Variants in PPARA observed in about 807,000 individuals in gnomAD.
The protein encoded by PPARA is peroxisome proliferator-activated receptor alpha.
A neutral mutation model predicts 42.2 loss-of-function variants in PPARA; 22 were observed. The observed-to-expected ratio is 0.52, with a 90% CI of 0.37 to 0.74. The LOEUF (loss-of-function observed/expected upper bound fraction) is 0.74. PPARA is among the 30% of genes least tolerant of loss of function. The probability of loss-of-function intolerance (pLI) is 0.00; values close to 1 mark genes in which losing one functional copy is unlikely to be tolerated. For synonymous variants in PPARA, 242 were observed against 239.3 expected (o/e 1.01, Z -0.10); for missense variants, 465 against 608.2 (o/e 0.76, Z 2.48).
rs372627750 is a variant in PPARA, at chr22:46,227,338, C to G, written c.712-4454C>G. ...GCAATCTCAGCTCACTGCAACCTCC[C>G]CCTCCTGGGTTCAAGCGATTCTCCT... On this transcript the variant is annotated intron_variant, in intron 7 of 8. Transcript: ENST00000407236. The surrounding 1 kb of genome is among the most constrained non-coding windows in gnomAD (Gnocchi z 4.3). 6.6e-6 allele frequency among the ~76,000 whole-genome samples: 1 copy of G among 152,008 alleles called. No homozygotes were observed. Among genetic ancestry groups the G allele is most frequent in the African/African-American group, 2.4e-5 (1 of 41,372 alleles).
Position 46,160,049 on chromosome 22 carries a change from CCA to C in PPARA, c.-127+8082_-127+8083del, listed in dbSNP as rs984222476. ...GACCACCACTGCAGCAGCCTGAAAA[CCA>C]CAGTCTTGAACCGCCAGCGAAGGGC... On this transcript the variant is annotated intron_variant, in intron 2 of 8. Transcript: ENST00000407236. The surrounding 1 kb of genome is among the most constrained non-coding windows in gnomAD (Gnocchi z 4.5). 1.3e-5 allele frequency among the ~76,000 whole-genome samples: 2 copies of C among 152,186 alleles called. No individual in the cohort carries two copies. Among genetic ancestry groups the C allele is most frequent in the African/African-American group, 2.4e-5 (1 of 41,440 alleles).
chr22:46,227,396 T>C lies in PPARA; in HGVS notation c.712-4396T>C, dbSNP rs376379740. Among the ~76,000 whole-genome samples, 1 of 152,242 alleles carries C rather than the reference T, an allele frequency of 6.6e-6. No individual in the cohort carries two copies. Among genetic ancestry groups the C allele is most frequent in the South Asian group, 2.1e-4 (1 of 4,816 alleles). ...CCTCCTAAGTAGCTGGGATTACAGGTGCCAGCCACCACACCCGACTAATTT... is the reference window on the plus strand; with the variant it reads ...CCTCCTAAGTAGCTGGGATTACAGGCGCCAGCCACCACACCCGACTAATTT... On this transcript the variant is annotated intron_variant, in intron 7 of 8. Transcript: ENST00000407236. The surrounding 1 kb of genome is among the most constrained non-coding windows in gnomAD (Gnocchi z 4.3).
intron 4 of PPARA, among the ~76,000 whole-genome samples, chr22:46,210,652 C>A (rs1933841865): frequency 1.3e-5 from 2 of 152,082 alleles, no homozygotes. Context: ...CCATGATGGC[C>A]AAGCTGGTTT....
At chr22:46,210,756 T>C (rs970395030) in intron 4 of PPARA, among the ~76,000 whole-genome samples, 5 of 152,198 alleles carry the variant, frequency 3.3e-5, no homozygotes, top group Non-Finnish European at 5.9e-5. Flanking sequence ...TTGTTCTCAT[T>C]GGATGTCATA....
At chr22:46,172,397 G>C (rs1164140376) in intron 2 of PPARA, among the ~76,000 whole-genome samples, 1 of 151,970 alleles carries the variant, frequency 6.6e-6, no homozygotes, top group East Asian at 1.9e-4. Flanking sequence ...GGGAGGCCGA[G>C]GTAGGTGGAT....
chr22:46,208,203 A>C (rs1293335878), intron 4 of PPARA, among the ~76,000 whole-genome samples: 1 of 152,102 alleles, frequency 6.6e-6, no homozygotes, highest in East Asian at 1.9e-4. Context: ...TGTGTAAATC[A>C]AGCTAGTGAA....
chr22:46,215,128 T>C (rs1324986213), intron 4 of PPARA, 45 bp from the exon 5 acceptor site: 2 of 1,600,858 alleles, frequency 1.2e-6, no homozygotes, highest in Admixed American at 1.7e-5. Context: ...AGACACAGGA[T>C]AGTGATGCCT....
chr22:46,214,267 G>A (rs1934221462), intron 4 of PPARA, among the ~76,000 whole-genome samples: 1 of 152,172 alleles, frequency 6.6e-6, no homozygotes, highest in South Asian at 2.1e-4. Flanking sequence ...TGCAGGTCTG[G>A]AGATGTGTGC....
chr22:46,160,696 G>A lies in PPARA; in HGVS notation c.-127+8726G>A, dbSNP rs190514242. Among the ~76,000 whole-genome samples, 2 of 152,264 alleles carry A rather than the reference G, an allele frequency of 1.3e-5. No individual in the cohort carries two copies. Among genetic ancestry groups the A allele is most frequent in the Admixed American group, 1.3e-4 (2 of 15,302 alleles). On this transcript the variant is annotated intron_variant, in intron 2 of 8. Coordinates refer to ENST00000407236, the MANE Select transcript of PPARA (RefSeq NM_005036.6). This position sits in a 1 kb window ranked among gnomAD's most constrained non-coding sequence, Gnocchi z 4.5. ...GCTCACTGCAACCTCCACCTCTCTG[G>A]CTCAAGCAATCCTCCCTCCTCAGCC... is the stretch of plus-strand genomic sequence containing the variant.
intron 6 of PPARA, among the ~76,000 whole-genome samples, 190 bp downstream of exon 6, chr22:46,218,591 T>C (rs969157158): frequency 4.0e-5 from 6 of 151,346 alleles, no homozygotes; most frequent in African/African-American, 1.2e-4. Context: ...CCCAGCACTT[T>C]GGGAGGCTGA....
intron 2 of PPARA, among the ~76,000 whole-genome samples, chr22:46,152,930 A>G (rs1273085090): frequency 3.3e-5 from 5 of 152,262 alleles, no homozygotes; most frequent in East Asian, 1.9e-4. Context: ...ACAAAAAAAT[A>G]GAAATATTGC....
intron 3 of PPARA, among the ~76,000 whole-genome samples, chr22:46,186,131 G>T (rs1433558259): frequency 1.3e-5 from 2 of 151,040 alleles, no homozygotes; most frequent in Non-Finnish European, 2.9e-5. Flanking sequence ...TGGCATATTT[G>T]CTGAGAACTT....
At chr22:46,179,835 G>A in intron 3 of PPARA, among the ~76,000 whole-genome samples, 2 of 152,152 alleles carry the variant, frequency 1.3e-5, no homozygotes, top group East Asian at 3.8e-4. Flanking sequence ...TATTGTAGCT[G>A]GAAGACAGAA....
chr22:46,177,754 C>T (rs4253788), intron 3 of PPARA, among the ~76,000 whole-genome samples: 2,208 of 151,628 alleles, frequency 0.015, 34 homozygotes, highest in Non-Finnish European at 0.024. Flanking sequence ...GAACCTCAAG[C>T]GTGTACCTGT....
In PPARA at chr22:46,204,114, C is replaced by T. The variant is rs749322726; in HGVS notation, c.208+5523C>T. On this transcript the variant is annotated intron_variant, in intron 4 of 8. Coordinates refer to ENST00000407236, the MANE Select transcript of PPARA (RefSeq NM_005036.6). The surrounding 1 kb of genome is among the most constrained non-coding windows in gnomAD (Gnocchi z 5.2). ...TTTATATAAATGGAATCATACAGCACGTACTCTTTCTAGGCTGGCTTCTTT... is the reference window on the plus strand; with the variant it reads ...TTTATATAAATGGAATCATACAGCATGTACTCTTTCTAGGCTGGCTTCTTT... 3.9e-5 allele frequency among the ~76,000 whole-genome samples: 6 copies of T among 152,208 alleles called. No homozygotes were observed. Among genetic ancestry groups the T allele is most frequent in the East Asian group, 1.9e-4 (1 of 5,200 alleles).
Position 46,225,638 on chromosome 22 carries a change from C to T in PPARA, c.711+5624C>T, listed in dbSNP as rs754931590. ...ATGCATGTGTACACAAACACACCCA[C>T]ACATACACATGCACCCACACGTGTA... On this transcript the variant is annotated intron_variant, in intron 7 of 8. Coordinates refer to ENST00000407236, the MANE Select transcript of PPARA (RefSeq NM_005036.6). This position sits in a 1 kb window ranked among gnomAD's most constrained non-coding sequence, Gnocchi z 4.1. Among the ~76,000 whole-genome samples the T allele has an allele frequency of 2.0e-5, 3 of 151,852 alleles. No individual in the cohort carries two copies. The highest frequency in any genetic ancestry group is 4.4e-5 in the Non-Finnish European group (3 of 67,926).
At chr22:46,218,442 C>T in intron 6 of PPARA, 41 bp downstream of exon 6, 1 of 1,613,186 alleles carries the variant, frequency 6.2e-7, no homozygotes, top group Non-Finnish European at 8.5e-7. Flanking sequence ...GTTCGTTCCT[C>T]AGTTCCCCTT....
rs944193019 is a variant in PPARA, at chr22:46,241,430, A to G, written c.*6050A>G. On this transcript the variant is annotated 3_prime_UTR_variant, in exon 9 of 9. Transcript: ENST00000407236. The surrounding 1 kb of genome is among the most constrained non-coding windows in gnomAD (Gnocchi z 5.7). ...TGAGCTTCATGCTTTGTTTAATTAC[A>G]TAATGATTTCCATTACGCTATTTCT... 1 of 152,252 alleles carries G rather than the reference A, an allele frequency of 6.6e-6. No homozygotes were observed. Among genetic ancestry groups the G allele is most frequent in the Non-Finnish European group, 1.5e-5 (1 of 68,048 alleles). 9.4% of individuals were successfully genotyped at this position (152,252 alleles called of 1,614,324 possible).
intron 4 of PPARA, among the ~76,000 whole-genome samples, chr22:46,209,473 AT>A (rs34873839): frequency 0.3 from 45,983 of 152,014 alleles, 7,281 homozygotes; most frequent in African/African-American, 0.4. Flanking sequence ...TGAAGTTGTC[AT>A]TACAGTTCAC....
Sources: gnomAD v4.1 joint callset for allele counts (sites outside exome capture counted in the v4.1 genomes callset) on GRCh38, gnomAD v4.1.1 for gene constraint, Gnocchi (gnomAD v3.1) non-coding constraint, MANE v1.5 for transcripts, NCBI Gene and HGNC (gene_info 2026-07-23, HGNC 2026-07-21) for gene names.